The following SNRPG variants were observed in gnomAD, a reference collection of about 807,000 sequenced individuals.
SNRPG encodes the protein small nuclear ribonucleoprotein polypeptide G.
SNRPG carries 3 observed loss-of-function variants against 13.9 expected under a neutral mutation model. That is an observed-to-expected ratio of 0.22 (90% confidence interval 0.10 to 0.56). The LOEUF is 0.56. Ranked by LOEUF, SNRPG falls within the 20% of genes least tolerant of loss-of-function variation. The pLI is 0.93. For synonymous variants in SNRPG, 29 were observed against 29.3 expected, an observed-to-expected ratio of 0.99 and a Z score of 0.03; for missense variants, 34 against 96.1, an observed-to-expected ratio of 0.35 and a Z score of 2.70.
rs748355544 is a variant in SNRPG, at chr2:70,281,594, T to A, written c.*40A>T. 14 of 1,247,766 alleles carry A rather than the reference T, an allele frequency of 1.1e-5. No individual in the cohort carries two copies. The highest frequency in any genetic ancestry group is 4.6e-6 in the Non-Finnish European group (4 of 872,600). 77.3% of individuals were successfully genotyped at this position (1,247,766 alleles called of 1,614,324 possible). A position where few individuals can be genotyped will look rare whatever the true frequency, so the allele number is the denominator to read the frequency against. On this transcript the variant is annotated 3_prime_UTR_variant, in exon 4 of 4. Transcript: ENST00000272348. Reference sequence around the variant, plus strand: ...TTACATCATAGTAAAACAGGCCCTATGGAGAGAGGACATGGGTTTCTCTGC... The same window carrying A: ...TTACATCATAGTAAAACAGGCCCTAAGGAGAGAGGACATGGGTTTCTCTGC...
Position 70,289,330 on chromosome 2 carries a change from CA to C in SNRPG, c.55+19del. The C allele has an allele frequency of 7.2e-7, 1 of 1,393,896 alleles. No homozygotes were observed. Among genetic ancestry groups the C allele is most frequent in the South Asian group, 1.2e-5 (1 of 81,132 alleles). The allele number at this position is 1,393,896 out of a possible 1,614,324, so 86.3% of individuals were successfully genotyped here. ...GCAATTAAATAATTAAAAAAAACCC[CA>C]AAACAACAACAAACTTACATGATAA... On this transcript the variant is annotated intron_variant, in intron 2 of 3. Transcript: ENST00000272348.
Position 70,287,999 on chromosome 2 carries a change from C to T in SNRPG, c.180+69G>A, listed in dbSNP as rs2104917990. On this transcript the variant is annotated intron_variant, in intron 3 of 3. Coordinates refer to ENST00000272348, the MANE Select transcript of SNRPG (RefSeq NM_003096.4). The stretch of plus-strand genomic sequence containing the variant: ...ATTTGCCATTTCTGGGGGTTACTAA[C>T]CAGGAAAGTTAATACACATTCCAAA... The T allele has an allele frequency of 2.1e-6, 3 of 1,463,338 alleles. No individual in the cohort carries two copies. In the East Asian group the frequency reaches 6.8e-5, roughly 33 times the overall value. The allele number at this position is 1,463,338 out of a possible 1,614,324, so 90.6% of individuals were successfully genotyped here.
intron 3 of SNRPG, among the ~76,000 whole-genome samples, chr2:70,282,454 T>C (rs185981928): frequency 4.2e-4 from 64 of 152,278 alleles, no homozygotes; most frequent in African/African-American, 1.4e-3. Flanking sequence ...TTGTAGGAAA[T>C]TCTAGACAGA....
At chr2:70,292,366 A>G (rs897644411) in intron 1 of SNRPG, among the ~76,000 whole-genome samples, 15 of 150,954 alleles carry the variant, frequency 9.9e-5, no homozygotes, top group Non-Finnish European at 4.4e-5. Context: ...TTATTTTTTG[A>G]AACAGAGTTT....
At chr2:70,281,713 G>T in intron 3 of SNRPG, 29 bp from the exon 4 acceptor site, 1 of 1,226,450 alleles carries the variant, frequency 8.2e-7, no homozygotes. Context: ...AATTTGAAAA[G>T]AACAACTCAG....
chr2:70,285,043 T>C (rs1170982690), intron 3 of SNRPG, among the ~76,000 whole-genome samples: 2 of 152,188 alleles, frequency 1.3e-5, no homozygotes, highest in Non-Finnish European at 2.9e-5. Flanking sequence ...TTGACTGTTG[T>C]GGTATCAAAG....
chr2:70,282,198 G>A (rs532750827), intron 3 of SNRPG, among the ~76,000 whole-genome samples: 4 of 152,282 alleles, frequency 2.6e-5, no homozygotes, highest in Non-Finnish European at 4.4e-5. Flanking sequence ...TTACAGGCGT[G>A]AGCTACTACG....
At chr2:70,290,173 A>G (rs1240645439) in intron 1 of SNRPG, among the ~76,000 whole-genome samples, 1 of 151,984 alleles carries the variant, frequency 6.6e-6, no homozygotes, top group Non-Finnish European at 1.5e-5. Flanking sequence ...CAATGACTGG[A>G]TTTTATAGTC....
chr2:70,285,357 C>A (rs543103953), intron 3 of SNRPG, among the ~76,000 whole-genome samples: 1 of 152,016 alleles, frequency 6.6e-6, no homozygotes, highest in East Asian at 1.9e-4. Flanking sequence ...GTGGCTCATG[C>A]GGTCAGGAGT....
chr2:70,281,929 C>A (rs1696797044), intron 3 of SNRPG, among the ~76,000 whole-genome samples: 3 of 152,074 alleles, frequency 2.0e-5, no homozygotes, highest in Non-Finnish European at 4.4e-5. Flanking sequence ...ACTAATTTCA[C>A]CTTTTTTTTT....
Position 70,291,012 on chromosome 2 carries a change from AAAACACACACACACACACACACACACAC to A in SNRPG, c.33-1668_33-1641del, listed in dbSNP as rs1180073077. On this transcript the variant is annotated intron_variant, in intron 1 of 3. Coordinates refer to ENST00000272348, the MANE Select transcript of SNRPG (RefSeq NM_003096.4). ...GGCAATAAGAGTGAAACTCCATCTC[AAAACACACACACACACACACACACACAC>A]ACACACACACACACACACATATATG... 2.1e-4 allele frequency among the ~76,000 whole-genome samples: 14 copies of A among 67,096 alleles called. No individual in the cohort carries two copies. In the East Asian group the frequency reaches 5.8e-3, roughly 28 times the overall value. 44.0% of individuals were successfully genotyped at this position (67,096 alleles called of 152,430 possible).
At chr2:70,283,123 A>C (rs1365794679) in intron 3 of SNRPG, among the ~76,000 whole-genome samples, 6 of 85,608 alleles carry the variant, frequency 7.0e-5, no homozygotes, top group African/African-American at 1.7e-4. Context: ...AAAAAAAAAA[A>C]ACAACAAACC....
Position 70,293,610 on chromosome 2 carries a change from ATACT to A in SNRPG, c.32+4_32+7del, listed in dbSNP as rs1697163308. On this transcript the variant is annotated splice_donor_5th_base_variant and intron_variant, in intron 1 of 3. Coordinates refer to ENST00000272348, the MANE Select transcript of SNRPG (RefSeq NM_003096.4). Reference sequence around the variant, plus strand: ...GACCACTTCGGTTTGGCTCTCACACATACTTACTTTTTCAACTCGGGAGGGTGAG... The same window carrying A: ...GACCACTTCGGTTTGGCTCTCACACATACTTTTTCAACTCGGGAGGGTGAG... 2 of 1,613,462 alleles carry A rather than the reference ATACT, an allele frequency of 1.2e-6. No homozygotes were observed. Among genetic ancestry groups the A allele is most frequent in the Admixed American group, 1.7e-5 (1 of 60,006 alleles).
intron 3 of SNRPG, among the ~76,000 whole-genome samples, chr2:70,282,918 AC>A (rs1040573389): frequency 8.6e-5 from 13 of 151,286 alleles, no homozygotes; most frequent in African/African-American, 3.2e-4. Flanking sequence ...ACATGGAGAA[AC>A]CCCCATCTCT....
intron 2 of SNRPG, among the ~76,000 whole-genome samples, chr2:70,289,051 T>C (rs561569383): frequency 5.9e-5 from 9 of 152,164 alleles, no homozygotes; most frequent in East Asian, 5.8e-4. Flanking sequence ...CCTGGGTTCA[T>C]GCCATTCTCC....
rs939508582 is a variant in SNRPG at position 70,288,536 on chromosome 2, T to C, written c.56-344A>G. Reference sequence around the variant, plus strand: ...GGCCTCCCAAAGTGCTGGGGGATTATAGGTGTAAACCACCGTGCCCGAGCT... The same window carrying C: ...GGCCTCCCAAAGTGCTGGGGGATTACAGGTGTAAACCACCGTGCCCGAGCT... On this transcript the variant is annotated intron_variant, in intron 2 of 3. Coordinates refer to ENST00000272348, the MANE Select transcript of SNRPG (RefSeq NM_003096.4). Among the ~76,000 whole-genome samples the C allele has an allele frequency of 2.6e-5, 4 of 152,052 alleles. No individual in the cohort carries two copies. In the South Asian group the frequency reaches 6.2e-4, roughly 24 times the overall value.
Position 70,281,567 on chromosome 2 carries a change from T to G in SNRPG, c.*67A>C, listed in dbSNP as rs1408854010. 3 of 864,074 alleles carry G rather than the reference T, an allele frequency of 3.5e-6. No homozygotes were observed. Among genetic ancestry groups the G allele is most frequent in the African/African-American group, 3.5e-5 (2 of 57,162 alleles). The allele number at this position is 864,074 out of a possible 1,614,324, so 53.5% of individuals were successfully genotyped here. On this transcript the variant is annotated 3_prime_UTR_variant, in exon 4 of 4. Coordinates refer to ENST00000272348, the MANE Select transcript of SNRPG (RefSeq NM_003096.4). ...AATATGAAAATGTACATGACCTAATTTTTACATCATAGTAAAACAGGCCCT... is the reference window on the plus strand; with the variant it reads ...AATATGAAAATGTACATGACCTAATGTTTACATCATAGTAAAACAGGCCCT...
rs1296962974 is a variant in SNRPG at position 70,283,108 on chromosome 2, A to AC, written c.181-1425_181-1424insG. On this transcript the variant is annotated intron_variant, in intron 3 of 3. Transcript: ENST00000272348. The stretch of plus-strand genomic sequence containing the variant: ...AACTGTCTTTTGTCAAAAAAAAAAA[A>AC]AAAAAAAAAAAAAAAACAACAAACC... 6.3e-3 allele frequency among the ~76,000 whole-genome samples: 924 copies of AC among 147,056 alleles called. 60 individuals are homozygous for AC. The highest frequency in any genetic ancestry group is 0.022 in the African/African-American group (883 of 39,450).
intron 3 of SNRPG, 81 bp downstream of exon 3, chr2:70,287,987 G>T: frequency 7.5e-7 from 1 of 1,334,344 alleles, no homozygotes. Context: ...TGCCATTTCT[G>T]GGGGTTACTA....
Sources: allele counts gnomAD v4.1 joint callset (sites outside exome capture counted in the v4.1 genomes callset), GRCh38; gene constraint gnomAD v4.1.1; transcripts MANE v1.5; gene names NCBI Gene and HGNC (gene_info 2026-07-23, HGNC 2026-07-21).